The following DECR1 variants were observed in gnomAD, a reference collection of about 807,000 sequenced individuals.
The protein encoded by DECR1 is 2,4-dienoyl-CoA reductase [(3E)-enoyl-CoA-producing], mitochondrial.
In DECR1, 44 loss-of-function variants were observed where a neutral mutation model predicts 38.8. The ratio of observed to expected loss-of-function variants is 1.13; its 90% CI spans 0.89 to 1.46. DECR1 has a LOEUF of 1.46. Ranked by LOEUF, DECR1 falls within the 40% of genes most tolerant of loss-of-function variation. DECR1 has a pLI of 0.00. For synonymous variants in DECR1, 148 were observed against 135.2 expected (o/e 1.09, Z -0.66); for missense variants, 428 against 405.5 (o/e 1.06, Z -0.48).
At position 90,042,734 on chromosome 8, in the gene DECR1, T is replaced by C; in HGVS notation, c.672T>C (p.Leu224=). 1 of 1,613,328 alleles carries C rather than the reference T, an allele frequency of 6.2e-7. No individual in the cohort carries two copies. The highest frequency in any genetic ancestry group is 1.1e-5 in the South Asian group (1 of 91,068). The stretch of plus-strand genomic sequence containing the variant: ...TGTTGATTTTAATTTTTAGGTCTCT[T>C]GCAGCTGAATGGGGTAAATATGGAA... ...KAGVEAMSKS[L]AAEWGKYGMR... Residue 224 remains leucine, a synonymous_variant, in exon 7 of 10, where the codon CTT becomes CTC. Coordinates refer to ENST00000220764, the MANE Select transcript of DECR1 (RefSeq NM_001359.2).
In DECR1 at chr8:90,052,421, G is replaced by A. The variant is rs1428953011; in HGVS notation, c.*524G>A. On this transcript the variant is annotated 3_prime_UTR_variant, in exon 10 of 10. Transcript: ENST00000220764. Reference sequence around the variant, plus strand: ...TAATTTTTACTAGGACCTATTTGTAGCCAGGCATTTTATTTAGTACTGAAT... The same window carrying A: ...TAATTTTTACTAGGACCTATTTGTAACCAGGCATTTTATTTAGTACTGAAT... Among the ~76,000 whole-genome samples the A allele has an allele frequency of 6.6e-6, 1 of 152,054 alleles. No individual in the cohort carries two copies. Among genetic ancestry groups the A allele is most frequent in the African/African-American group, 2.4e-5 (1 of 41,392 alleles).
At chr8:90,023,579 A>T (rs777403289) in intron 5 of DECR1, among the ~76,000 whole-genome samples, 3 of 152,162 alleles carry the variant, frequency 2.0e-5, no homozygotes, top group Non-Finnish European at 4.4e-5. Context: ...TAGTATTAAG[A>T]ACAAATCAAA....
chr8:90,034,573 T>C (rs1813574461), intron 5 of DECR1, among the ~76,000 whole-genome samples: 1 of 152,166 alleles, frequency 6.6e-6, no homozygotes, highest in African/African-American at 2.4e-5. Flanking sequence ...TGCCTCAGCC[T>C]CCTGAGTAGC....
rs1814139966 is a variant in DECR1 at position 90,053,299 on chromosome 8, A to G, written c.*1402A>G. 6.6e-6 allele frequency among the ~76,000 whole-genome samples: 1 copy of G among 152,212 alleles called. No homozygotes were observed. ...TCAGCATGGCTAGGGAGGCCTCACA[A>G]TCATGGCAGAAGGTGAGTGAGGAGC... On this transcript the variant is annotated 3_prime_UTR_variant, in exon 10 of 10. Transcript: ENST00000220764.
chr8:90,025,037 T>G (rs1266782812), intron 5 of DECR1, among the ~76,000 whole-genome samples: 1 of 152,220 alleles, frequency 6.6e-6, no homozygotes, highest in Admixed American at 6.5e-5. Context: ...GTTATAGATG[T>G]GTGGTATTAC....
In DECR1 at chr8:90,004,019, TA is replaced by T. The variant is rs200191003; in HGVS notation, c.69+2468del. Among the ~76,000 whole-genome samples the T allele has an allele frequency of 2.8e-3, 417 of 151,140 alleles. 1 individual carries two copies. The highest frequency in any genetic ancestry group is 8.4e-3 in the African/African-American group (348 of 41,296). The stretch of plus-strand genomic sequence containing the variant: ...TAAGGTTGTTCATTTTGTGAAACTT[TA>T]AAAAAAAAATTTACCATTCTTCCTT... On this transcript the variant is annotated intron_variant, in intron 1 of 9. Transcript: ENST00000220764.
intron 8 of DECR1, among the ~76,000 whole-genome samples, chr8:90,049,766 G>C (rs1314411348): frequency 6.6e-6 from 1 of 152,108 alleles, no homozygotes; most frequent in Non-Finnish European, 1.5e-5. Context: ...CACACTACCT[G>C]ACTTCAAACT....
chr8:90,049,470 G>A (rs1474385368), intron 8 of DECR1, among the ~76,000 whole-genome samples: 1 of 152,096 alleles, frequency 6.6e-6, no homozygotes, highest in Non-Finnish European at 1.5e-5. Context: ...CAACTTACAA[G>A]GGATGTGAAG....
chr8:90,034,758 A>G (rs1563645751), intron 5 of DECR1, among the ~76,000 whole-genome samples: 1 of 152,090 alleles, frequency 6.6e-6, no homozygotes, highest in Non-Finnish European at 1.5e-5. Context: ...GGCCTTATTC[A>G]GTTAATTTAT....
chr8:90,028,210 C>T (rs747216308), intron 5 of DECR1, among the ~76,000 whole-genome samples: 12 of 152,168 alleles, frequency 7.9e-5, no homozygotes, highest in Admixed American at 2.6e-4. Flanking sequence ...CCTCTTGTGC[C>T]GCCATCAGAG....
At chr8:90,014,845 A>G (rs1317082193) in intron 1 of DECR1, among the ~76,000 whole-genome samples, 1 of 152,176 alleles carries the variant, frequency 6.6e-6, no homozygotes, top group Non-Finnish European at 1.5e-5. Flanking sequence ...TTCTTGATTC[A>G]TCATCTTAAT....
intron 8 of DECR1, among the ~76,000 whole-genome samples, chr8:90,048,090 C>G (rs1043972909): frequency 2.6e-5 from 4 of 152,124 alleles, no homozygotes; most frequent in African/African-American, 9.7e-5. Context: ...CAGGGAAGAT[C>G]TAAAATGGGC....
chr8:90,021,203 A>T, intron 5 of DECR1, 147 bp downstream of exon 5: 2 of 565,940 alleles, frequency 3.5e-6, no homozygotes, highest in Non-Finnish European at 5.5e-6. Flanking sequence ...TTAAATAATT[A>T]TCATATGTTA....
chr8:90,041,807 C>T (rs758794581), intron 6 of DECR1, among the ~76,000 whole-genome samples: 2 of 152,084 alleles, frequency 1.3e-5, no homozygotes, highest in Non-Finnish European at 2.9e-5. Flanking sequence ...TCATTCTTGG[C>T]TCCGTTATAT....
chr8:90,040,896 T>C (rs151279755), intron 6 of DECR1, among the ~76,000 whole-genome samples: 96 of 152,306 alleles, frequency 6.3e-4, no homozygotes, highest in African/African-American at 1.8e-3. Flanking sequence ...GGGTTGGTTC[T>C]AAGTCTTTGC....
At chr8:90,019,368 A>G (rs541157611) in intron 4 of DECR1, among the ~76,000 whole-genome samples, 196 bp downstream of exon 4, 4 of 152,224 alleles carry the variant, frequency 2.6e-5, no homozygotes, top group Non-Finnish European at 5.9e-5. Context: ...GAACAGCTTT[A>G]TTGAAGCAGC....
intron 5 of DECR1, among the ~76,000 whole-genome samples, chr8:90,032,235 T>C (rs1330040216): frequency 2.0e-5 from 3 of 152,098 alleles, no homozygotes; most frequent in African/African-American, 7.2e-5. Context: ...ATGTTCATGG[T>C]TACTGTCAGC....
chr8:90,041,704 T>G (rs1478107493), intron 6 of DECR1, among the ~76,000 whole-genome samples: 1 of 152,180 alleles, frequency 6.6e-6, no homozygotes, highest in Non-Finnish European at 1.5e-5. Flanking sequence ...ACCTTTTTTG[T>G]ATAGAGTCAT....
At chr8:90,028,984 G>A (rs1354525146) in intron 5 of DECR1, among the ~76,000 whole-genome samples, 1 of 151,796 alleles carries the variant, frequency 6.6e-6, no homozygotes, top group African/African-American at 2.4e-5. Flanking sequence ...GAGAAACTAT[G>A]GCTTATTAAT....
Sources: gnomAD v4.1 joint callset for allele counts (sites outside exome capture counted in the v4.1 genomes callset) on GRCh38, gnomAD v4.1.1 for gene constraint, MANE v1.5 for transcripts, NCBI Gene and HGNC (gene_info 2026-07-23, HGNC 2026-07-21) for gene names.